DLG2: variants seen among roughly 807,000 people sequenced by gnomAD.
DLG2 encodes the protein discs large MAGUK scaffold protein 2, also known as disks large homolog 2.
In DLG2, 45 loss-of-function variants were observed where a neutral mutation model predicts 132.5. The observed-to-expected ratio is 0.34, with a 90% CI of 0.27 to 0.44. The LOEUF (loss-of-function observed/expected upper bound fraction) is 0.44, where lower values mean the gene tolerates loss of function less well. Among genes scored for constraint, DLG2 ranks in the 20% least tolerant of loss-of-function variants. The pLI, the probability that DLG2 is intolerant of heterozygous loss-of-function variation, is 1.00. For synonymous variants in DLG2, 424 were observed against 419.6 expected (o/e 1.01, Z -0.13); for missense variants, 1,045 against 1,196.9 (o/e 0.87, Z 1.87).
intron 18 of DLG2, among the ~76,000 whole-genome samples, chr11:83,747,632 A>G (rs2093015806): frequency 6.6e-6 from 1 of 152,092 alleles, no homozygotes; most frequent in Admixed American, 6.6e-5. Context: ...CTATCCACAC[A>G]TCTTGGCCTT....
chr11:85,081,891 T>C (rs549912228), intron 6 of DLG2, among the ~76,000 whole-genome samples: 13 of 152,266 alleles, frequency 8.5e-5, no homozygotes, highest in African/African-American at 2.6e-4. Flanking sequence ...ATGAGACCCC[T>C]GTATCCAGGA....
chr11:84,527,652 T>C (rs938739281), intron 7 of DLG2, among the ~76,000 whole-genome samples: 1 of 152,220 alleles, frequency 6.6e-6, no homozygotes, highest in African/African-American at 2.4e-5. Context: ...GGCTTTAATC[T>C]TCCTTGTAAT....
At chr11:84,394,322 G>T (rs1166597981) in intron 7 of DLG2, among the ~76,000 whole-genome samples, 1 of 150,454 alleles carries the variant, frequency 6.6e-6, no homozygotes, top group African/African-American at 2.5e-5. Flanking sequence ...AGTTCTGCTG[G>T]TGCCAAAGTC....
chr11:83,464,110 C>T (rs2090564722), intron 26 of DLG2, among the ~76,000 whole-genome samples: 1 of 152,180 alleles, frequency 6.6e-6, no homozygotes, highest in Non-Finnish European at 1.5e-5. Flanking sequence ...GAAGTAAACA[C>T]AGAGCATCAT....
chr11:84,558,670 C>T (rs192666040), intron 6 of DLG2, among the ~76,000 whole-genome samples: 199 of 152,172 alleles, frequency 1.3e-3, no homozygotes, highest in South Asian at 3.1e-3. Flanking sequence ...TCCCCAGCTC[C>T]CTATACACAC....
chr11:84,373,265 C>CAAAAAAAAAAAAAAAAAAAAA (rs59038372), intron 7 of DLG2, among the ~76,000 whole-genome samples: 4 of 98,052 alleles, frequency 4.1e-5, no homozygotes, highest in Admixed American at 1.3e-4. Context: ...AAAAAAAAAA[C>CAAAAAAAAAAAAAAAAAAAAA]AAAACAAAAA....
At position 84,556,939 on chromosome 11, in the gene DLG2, A is replaced by G. The variant is rs561924391; in HGVS notation, c.358-22208T>C. Among the ~76,000 whole-genome samples, 38 of 152,282 alleles carry G rather than the reference A, an allele frequency of 2.5e-4. No individual in the cohort carries two copies. The South Asian group carries it at 7.7e-3, about 31-fold the overall frequency. ...ACAAACTTCCTCATAACTGCCATCC[A>G]TCTTTAAAAAGTATTACCAGCAGAA... On this transcript the variant is annotated intron_variant, in intron 6 of 27. Transcript: ENST00000376104.
chr11:84,241,390 T>C (rs936157775), intron 8 of DLG2, among the ~76,000 whole-genome samples: 9 of 152,182 alleles, frequency 5.9e-5, no homozygotes, highest in African/African-American at 1.9e-4. Context: ...GGGAAGCTCC[T>C]AAGAGGAACT....
chr11:83,724,472 T>TGAGAGAGAGAGAGAGAGAGA (rs1384949474), intron 18 of DLG2, among the ~76,000 whole-genome samples: 1 of 97,532 alleles, frequency 1.0e-5, no homozygotes, highest in Non-Finnish European at 2.2e-5. Flanking sequence ...TGTGTGTGTG[T>TGAGAGAGAGAGAGAGAGAGA]GTGTGAGAGA....
chr11:83,962,592 C>T (rs1032760715), intron 14 of DLG2, among the ~76,000 whole-genome samples: 1 of 152,058 alleles, frequency 6.6e-6, no homozygotes. Flanking sequence ...AGTATTAATA[C>T]TTACCTTACA....
At chr11:84,474,376 G>A (rs2099116261) in intron 7 of DLG2, among the ~76,000 whole-genome samples, 1 of 151,962 alleles carries the variant, frequency 6.6e-6, no homozygotes, top group South Asian at 2.1e-4. Flanking sequence ...ATTAAAAACT[G>A]TACATACTAT....
At chr11:84,715,604 A>G (rs2061132960) in intron 6 of DLG2, among the ~76,000 whole-genome samples, 1 of 151,942 alleles carries the variant, frequency 6.6e-6, no homozygotes, top group African/African-American at 2.4e-5. Context: ...TACATTCCAC[A>G]TATAAGTGAG....
chr11:85,618,626 T>TA (rs910429762), intron 2 of DLG2, among the ~76,000 whole-genome samples: 1 of 152,146 alleles, frequency 6.6e-6, no homozygotes, highest in Non-Finnish European at 1.5e-5. Flanking sequence ...GGGCAAGGGC[T>TA]AAAAAACCAC....
At chr11:84,794,278 G>C (rs2074257137) in intron 6 of DLG2, among the ~76,000 whole-genome samples, 1 of 152,190 alleles carries the variant, frequency 6.6e-6, no homozygotes, top group Non-Finnish European at 1.5e-5. Flanking sequence ...AGTGTAACGG[G>C]ATTGTAACAC....
chr11:84,970,616 G>A (rs1302494465), intron 6 of DLG2, among the ~76,000 whole-genome samples: 1 of 152,074 alleles, frequency 6.6e-6, no homozygotes, highest in Non-Finnish European at 1.5e-5. Context: ...ACCCCTCAAA[G>A]CCTCCATTTC....
intron 11 of DLG2, among the ~76,000 whole-genome samples, chr11:84,049,555 A>C (rs1372059805): frequency 6.6e-6 from 1 of 151,732 alleles, no homozygotes; most frequent in Non-Finnish European, 1.5e-5. Context: ...TCTCTGCCCC[A>C]ATTCTTCCCA....
At chr11:83,791,201 G>T (rs1411409491) in intron 17 of DLG2, 2 of 637,474 alleles carry the variant, frequency 3.1e-6, no homozygotes, top group Admixed American at 2.6e-5. Flanking sequence ...GAGGGAGGTG[G>T]CCTTATCGGC....
intron 17 of DLG2, chr11:83,789,965 G>A (rs2041095985): frequency 6.0e-6 from 8 of 1,325,020 alleles, no homozygotes; most frequent in African/African-American, 1.5e-5. Context: ...AGGGTTCTCA[G>A]TCTTTCAGTA....
intron 19 of DLG2, among the ~76,000 whole-genome samples, chr11:83,571,780 T>C (rs1241568916): frequency 9.9e-5 from 15 of 152,098 alleles, no homozygotes; most frequent in Admixed American, 9.8e-4. Context: ...TGCCAGAGAT[T>C]GGTATGGGAT....
Sources: allele counts gnomAD v4.1 joint callset (sites outside exome capture counted in the v4.1 genomes callset), GRCh38; gene constraint gnomAD v4.1.1; transcripts MANE v1.5; gene names NCBI Gene and HGNC (gene_info 2026-07-23, HGNC 2026-07-21).